The following CCDC81 variants were observed in gnomAD, a reference collection of about 807,000 sequenced individuals.
CCDC81 encodes the protein coiled-coil domain-containing protein 81.
A neutral mutation model predicts 83.7 loss-of-function variants in CCDC81; 79 were observed. The observed-to-expected ratio is 0.94, with a 90% confidence interval of 0.79 to 1.14. CCDC81 has a LOEUF of 1.14. Among genes scored for constraint, CCDC81 ranks in the 50% most tolerant of loss-of-function variants. The pLI is 0.00. For missense variants in CCDC81, 791 were observed against 778.1 expected, an observed-to-expected ratio of 1.02 and a Z score of -0.20; for synonymous variants, 252 against 278.1, an observed-to-expected ratio of 0.91 and a Z score of 0.93.
intron 6 of CCDC81, among the ~76,000 whole-genome samples, chr11:86,398,366 T>G (rs188493458): frequency 1.9e-4 from 29 of 152,244 alleles, no homozygotes; most frequent in Admixed American, 1.5e-3. Flanking sequence ...GTTGGAGACA[T>G]GTTAGCTTAG....
At chr11:86,399,403 C>A (rs781585292) in intron 6 of CCDC81, among the ~76,000 whole-genome samples, 1 of 152,128 alleles carries the variant, frequency 6.6e-6, no homozygotes, top group Non-Finnish European at 1.5e-5. Flanking sequence ...GCAGCCTCAA[C>A]CTCTTGGGCT....
chr11:86,408,045 C>A (rs1948585905), intron 8 of CCDC81, 82 bp from the exon 9 acceptor site: 2 of 1,405,132 alleles, frequency 1.4e-6, no homozygotes, highest in South Asian at 2.7e-5. Context: ...ATATACCTAG[C>A]CTTTGGAGAG....
chr11:86,405,350 C>T (rs1352032066), intron 7 of CCDC81, among the ~76,000 whole-genome samples: 1 of 152,056 alleles, frequency 6.6e-6, no homozygotes, highest in Non-Finnish European at 1.5e-5. Flanking sequence ...CCTTTTAATG[C>T]CATTTTAAGA....
intron 1 of CCDC81, among the ~76,000 whole-genome samples, chr11:86,379,233 ACCACAGGCACCCGCCACCATG>A (rs2138486820): frequency 6.6e-6 from 1 of 152,016 alleles, no homozygotes; most frequent in East Asian, 1.9e-4. Context: ...AGTAGCTAGG[ACCACAGGCACCCGCCACCATG>A]CCTGGCTAAT....
At chr11:86,411,578 T>G (rs1210276665) in intron 10 of CCDC81, among the ~76,000 whole-genome samples, 2 of 152,170 alleles carry the variant, frequency 1.3e-5, no homozygotes, top group African/African-American at 4.8e-5. Flanking sequence ...AGGCCCACAG[T>G]AGGTATTCAG....
At chr11:86,414,550 G>C (rs1948688920) in intron 11 of CCDC81, 1 of 428,774 alleles carries the variant, frequency 2.3e-6, no homozygotes, top group Non-Finnish European at 4.1e-6. Context: ...CAAGTGATCT[G>C]CCCACTTCAG....
chr11:86,388,192 T>C (rs10898477), intron 3 of CCDC81, among the ~76,000 whole-genome samples: 13 of 127,254 alleles, frequency 1.0e-4, no homozygotes, highest in African/African-American at 3.2e-4. Context: ...CTCCCTCCTT[T>C]CCTCCTTCCC....
chr11:86,415,311 A>T lies in CCDC81; in HGVS notation c.1689A>T (p.Arg563Ser). ...TGCAAATGCTTCAGAGGACACAAAG[A>T]GAGTAAGGAGACCCCTGATCTTTCT... ...RDLQMLQRTQ[R>S]EHLADRTAEL... Residue 563 changes from arginine to serine, a missense_variant and splice_region_variant, in exon 13 of 15, where the codon AGA becomes AGT. Physicochemically the swap from Arg to Ser is moderately radical, Grantham distance 110 (BLOSUM62 -1). Transcript: ENST00000445632. 3.1e-6 allele frequency: 5 copies of T among 1,611,670 alleles called. No individual in the cohort carries two copies. Among genetic ancestry groups the T allele is most frequent in the Non-Finnish European group, 4.2e-6 (5 of 1,178,202 alleles).
intron 1 of CCDC81, among the ~76,000 whole-genome samples, chr11:86,382,889 A>G (rs968983314): frequency 6.6e-6 from 1 of 152,188 alleles, no homozygotes; most frequent in African/African-American, 2.4e-5. Context: ...GACATGGCTG[A>G]GGGCTCAGAA....
At chr11:86,396,464 G>A (rs1593920558) in intron 5 of CCDC81, among the ~76,000 whole-genome samples, 1 of 152,120 alleles carries the variant, frequency 6.6e-6, no homozygotes, top group East Asian at 1.9e-4. Flanking sequence ...AGGAAGTTTG[G>A]GGAATAACAA....
intron 12 of CCDC81, 48 bp downstream of exon 12, chr11:86,414,915 T>A: frequency 6.7e-7 from 1 of 1,485,324 alleles, no homozygotes; most frequent in Non-Finnish European, 9.2e-7. Context: ...AATGCATCAA[T>A]AACATCCTAA....
At chr11:86,401,037 C>T (rs769451357) in intron 7 of CCDC81, among the ~76,000 whole-genome samples, 3 of 152,080 alleles carry the variant, frequency 2.0e-5, no homozygotes, top group East Asian at 3.9e-4. Flanking sequence ...ATGACACAGG[C>T]GGAAACAAAA....
intron 3 of CCDC81, among the ~76,000 whole-genome samples, chr11:86,389,901 T>G (rs1235477702): frequency 6.6e-6 from 1 of 152,024 alleles, no homozygotes; most frequent in African/African-American, 2.4e-5. Context: ...GTCAAGAGAT[T>G]GAGACCATCC....
chr11:86,407,780 C>G (rs1440163475), intron 8 of CCDC81, 79 bp downstream of exon 8: 2 of 1,089,842 alleles, frequency 1.8e-6, no homozygotes, highest in African/African-American at 3.1e-5. Context: ...CTGGGAATCT[C>G]TCTTCCTTAA....
At chr11:86,400,834 T>G (rs781500441) in intron 7 of CCDC81, 33 bp downstream of exon 7, 23 of 1,558,002 alleles carry the variant, frequency 1.5e-5, no homozygotes, top group Non-Finnish European at 2.0e-5. Context: ...TCTGTTGTAC[T>G]TTACTAAATA....
intron 4 of CCDC81, among the ~76,000 whole-genome samples, 167 bp downstream of exon 4, chr11:86,392,964 A>G (rs1018240923): frequency 2.0e-5 from 3 of 152,268 alleles, no homozygotes; most frequent in Non-Finnish European, 4.4e-5. Context: ...GACAAAAAAG[A>G]TCAGGAAGGC....
At chr11:86,420,466 A>G (rs1286196627) in intron 14 of CCDC81, among the ~76,000 whole-genome samples, 3 of 152,216 alleles carry the variant, frequency 2.0e-5, no homozygotes, top group Non-Finnish European at 4.4e-5. Context: ...GATGCCTATT[A>G]TGGAGCCAAC....
rs1948344090 is a variant in CCDC81 at position 86,392,443 on chromosome 11, G to A, written c.299-98G>A. The A allele has an allele frequency of 2.2e-6, 3 of 1,338,044 alleles. No homozygotes were observed. The South Asian group carries it at 4.6e-5, about 20-fold the overall frequency. The allele number at this position is 1,338,044 out of a possible 1,614,324, so 82.9% of individuals were successfully genotyped here. ...TTCATCCAGAAGATTCTATTTTAGG[G>A]CATTGAGAATCAGATAATTATTTGT... On this transcript the variant is annotated intron_variant, in intron 3 of 14. Transcript: ENST00000445632.
At chr11:86,385,160 G>A (rs561394723) in intron 1 of CCDC81, among the ~76,000 whole-genome samples, 60 of 152,364 alleles carry the variant, frequency 3.9e-4, no homozygotes, top group African/African-American at 1.4e-3. Flanking sequence ...GGCCGAGGCG[G>A]GTGGATCACC....
Sources: allele counts gnomAD v4.1 joint callset (sites outside exome capture counted in the v4.1 genomes callset), GRCh38; gene constraint gnomAD v4.1.1; transcripts MANE v1.5; gene names NCBI Gene and HGNC (gene_info 2026-07-23, HGNC 2026-07-21).